HAO1: variants seen among roughly 807,000 people sequenced by gnomAD.
HAO1 encodes the protein 2-Hydroxyacid oxidase 1.
HAO1 carries 34 observed loss-of-function variants against 39.7 expected under a neutral mutation model. The observed-to-expected ratio is 0.86, with a 90% CI of 0.65 to 1.14. HAO1 has a LOEUF of 1.14. Among genes scored for constraint, HAO1 ranks in the 50% most tolerant of loss-of-function variants. The pLI is 0.00. For synonymous variants in HAO1, 172 were observed against 173.2 expected, an observed-to-expected ratio of 0.99 and a Z score of 0.05; for missense variants, 479 against 464.5, an observed-to-expected ratio of 1.03 and a Z score of -0.29.
At chr20:7,894,973 G>A (rs1002867691) in intron 5 of HAO1, among the ~76,000 whole-genome samples, 160 bp downstream of exon 5, 11 of 152,146 alleles carry the variant, frequency 7.2e-5, no homozygotes, top group African/African-American at 2.7e-4. Context: ...GGGTAGTTAT[G>A]TGCCACTAAA....
intron 2 of HAO1, among the ~76,000 whole-genome samples, chr20:7,932,043 T>G (rs962629756): frequency 1.3e-5 from 2 of 152,176 alleles, no homozygotes; most frequent in African/African-American, 4.8e-5. Context: ...GATTGGATCA[T>G]GGGGGTGGTT....
In HAO1 at chr20:7,895,178, C is replaced by T. The variant is rs2050190995; in HGVS notation, c.768G>A (p.Leu256=). Reference sequence around the variant, plus strand: ...GTTGTCGAGCCCCATGATTCGACACCAAGATCCCATTCAAGCCATGTTTAA... The same window carrying T: ...GTTGTCGAGCCCCATGATTCGACACTAAGATCCCATTCAAGCCATGTTTAA... ...EAVKHGLNGI[L]VSNHGARQLD... is the part of the protein sequence containing the mutation. Residue 256 remains leucine, a synonymous_variant, in exon 5 of 8, where the codon TTG becomes TTA. Transcript: ENST00000378789. The T allele has an allele frequency of 1.2e-6, 2 of 1,612,956 alleles. No homozygotes were observed. The highest frequency in any genetic ancestry group is 4.5e-5 in the East Asian group (2 of 44,840).
chr20:7,923,896 G>A (rs2050346560), intron 2 of HAO1, among the ~76,000 whole-genome samples: 1 of 152,140 alleles, frequency 6.6e-6, no homozygotes, highest in Admixed American at 6.6e-5. Flanking sequence ...TAGAATATGT[G>A]TGATGTCCTG....
intron 5 of HAO1, among the ~76,000 whole-genome samples, chr20:7,891,497 A>G (rs142928379): frequency 7.9e-4 from 120 of 151,958 alleles, no homozygotes; most frequent in African/African-American, 2.7e-3. Flanking sequence ...TGGATTGTCT[A>G]TTTACTCTGC....
At chr20:7,911,885 T>G (rs1453694394) in intron 3 of HAO1, among the ~76,000 whole-genome samples, 1 of 152,238 alleles carries the variant, frequency 6.6e-6, no homozygotes, top group East Asian at 1.9e-4. Context: ...GATGAGCTTT[T>G]GGGGTGTATT....
intron 5 of HAO1, among the ~76,000 whole-genome samples, chr20:7,888,858 A>G (rs2050161850): frequency 6.6e-6 from 1 of 152,188 alleles, no homozygotes; most frequent in South Asian, 2.1e-4. Context: ...AGATCTCAGG[A>G]GGCCTTGCAT....
chr20:7,908,915 A>G (rs1166871850), intron 3 of HAO1, among the ~76,000 whole-genome samples: 1 of 152,310 alleles, frequency 6.6e-6, no homozygotes, highest in Non-Finnish European at 1.5e-5. Flanking sequence ...TTAAATGATA[A>G]TAAATTCCAA....
At chr20:7,929,041 A>G (rs994113622) in intron 2 of HAO1, among the ~76,000 whole-genome samples, 1 of 150,966 alleles carries the variant, frequency 6.6e-6, no homozygotes, top group African/African-American at 2.4e-5. Flanking sequence ...CAGTCTCCAC[A>G]CAGGAGCTTG....
chr20:7,923,135 C>T (rs573382289), intron 2 of HAO1, among the ~76,000 whole-genome samples: 3 of 152,242 alleles, frequency 2.0e-5, no homozygotes, highest in South Asian at 4.1e-4. Flanking sequence ...AACCTACAAT[C>T]AATGGCTGAG....
chr20:7,906,445 T>G (rs2050248701), intron 3 of HAO1, 116 bp from the exon 4 acceptor site: 1 of 645,290 alleles, frequency 1.5e-6, no homozygotes, highest in Admixed American at 2.7e-5. Flanking sequence ...ACTGCTCATT[T>G]ATCTATAAGT....
intron 3 of HAO1, among the ~76,000 whole-genome samples, chr20:7,913,375 T>G (rs937660079): frequency 1.3e-5 from 2 of 152,126 alleles, no homozygotes; most frequent in Non-Finnish European, 2.9e-5. Flanking sequence ...ACATTATACA[T>G]TCATATGAAA....
At chr20:7,915,726 A>G (rs1362527377) in intron 2 of HAO1, among the ~76,000 whole-genome samples, 2 of 152,206 alleles carry the variant, frequency 1.3e-5, no homozygotes, top group Admixed American at 1.3e-4. Context: ...TTTTAAAATA[A>G]TATAGACATA....
At chr20:7,909,377 A>ATATATATG (rs549998637) in intron 3 of HAO1, among the ~76,000 whole-genome samples, 3 of 100,122 alleles carry the variant, frequency 3.0e-5, no homozygotes, top group African/African-American at 1.1e-4. Context: ...ATATATATAT[A>ATATATATG]TGTATATATA....
At chr20:7,925,817 T>C (rs2050356640) in intron 2 of HAO1, among the ~76,000 whole-genome samples, 2 of 152,120 alleles carry the variant, frequency 1.3e-5, no homozygotes, top group African/African-American at 2.4e-5. Context: ...AGCTTAAATT[T>C]TGGTGCAAAA....
At chr20:7,913,163 G>GTTTTT (rs1315695112) in intron 3 of HAO1, among the ~76,000 whole-genome samples, 1 of 116,608 alleles carries the variant, frequency 8.6e-6, no homozygotes. Context: ...GCTAGCCCTA[G>GTTTTT]TTTTTTGTTT....
In HAO1 at chr20:7,934,200, T is replaced by C. The variant is rs567764090; in HGVS notation, c.289+284A>G. Among the ~76,000 whole-genome samples, 5 of 152,294 alleles carry C rather than the reference T, an allele frequency of 3.3e-5. No homozygotes were observed. In the South Asian group the frequency reaches 8.3e-4, roughly 25 times the overall value. ...CTCTCTGCCATGAACTTTGTATACC[T>C]GAACTCATTCAATTCTCACCATAAC... On this transcript the variant is annotated intron_variant, in intron 2 of 7. Coordinates refer to ENST00000378789, the MANE Select transcript of HAO1 (RefSeq NM_017545.3).
chr20:7,912,362 A>G (rs1229392919), intron 3 of HAO1, among the ~76,000 whole-genome samples: 7 of 152,142 alleles, frequency 4.6e-5, no homozygotes. Flanking sequence ...CCTCTGTGAA[A>G]CATATTTTGG....
intron 2 of HAO1, among the ~76,000 whole-genome samples, chr20:7,920,905 G>A (rs2050328137): frequency 6.6e-6 from 1 of 152,032 alleles, no homozygotes; most frequent in Admixed American, 6.6e-5. Context: ...TAGAATTTCT[G>A]GATCATATGG....
intron 2 of HAO1, among the ~76,000 whole-genome samples, chr20:7,930,179 CT>C (rs1334908711): frequency 6.6e-6 from 1 of 152,000 alleles, no homozygotes; most frequent in Non-Finnish European, 1.5e-5. Flanking sequence ...CCCAACTTCT[CT>C]TCCTTGCTAG....
Sources: gnomAD v4.1 joint callset for allele counts (sites outside exome capture counted in the v4.1 genomes callset) on GRCh38, gnomAD v4.1.1 for gene constraint, MANE v1.5 for transcripts, NCBI Gene and HGNC (gene_info 2026-07-23, HGNC 2026-07-21) for gene names.